The following TMEM9B variants were observed in gnomAD, a reference collection of about 807,000 sequenced individuals.
TMEM9B encodes the protein TMEM9 domain family member B, also known as transmembrane protein 9B.
Under a neutral mutation model 23.5 loss-of-function variants are expected in TMEM9B, and 8 were observed. The ratio of observed to expected loss-of-function variants is 0.34; its 90% CI spans 0.20 to 0.61. The LOEUF (loss-of-function observed/expected upper bound fraction) is 0.61. TMEM9B is among the 20% of genes least tolerant of loss of function. The probability of loss-of-function intolerance (pLI) is 0.78; values close to 1 mark genes in which losing one functional copy is unlikely to be tolerated. For synonymous variants in TMEM9B, 106 were observed against 96.3 expected (o/e 1.10, Z -0.59); for missense variants, 197 against 252.3 (o/e 0.78, Z 1.49).
rs150921387 is a variant in TMEM9B, at chr11:8,949,070, C to T, written c.442-595G>A. 2.2e-4 allele frequency among the ~76,000 whole-genome samples: 34 copies of T among 152,254 alleles called. 1 individual carries two copies. In the Middle Eastern group the frequency reaches 0.014, roughly 61 times the overall value. ...ACACACACACTAAATGGATTAGCTT[C>T]CAAAAGCTTCCTCATTTCCCCACTT... On this transcript the variant is annotated intron_variant, in intron 4 of 4. Coordinates refer to ENST00000534025, the MANE Select transcript of TMEM9B (RefSeq NM_020644.3).
At chr11:8,959,162 A>G (rs1854028783) in intron 2 of TMEM9B, among the ~76,000 whole-genome samples, 1 of 152,232 alleles carries the variant, frequency 6.6e-6, no homozygotes, top group Non-Finnish European at 1.5e-5. Context: ...AAAAAGGATC[A>G]GGCCACGCAT....
rs1853991765 is a variant in TMEM9B, at chr11:8,957,247, A to C, written c.198-949T>G. Among the ~76,000 whole-genome samples, 1 of 152,224 alleles carries C rather than the reference A, an allele frequency of 6.6e-6. No homozygotes were observed. Among genetic ancestry groups the C allele is most frequent in the South Asian group, 2.1e-4 (1 of 4,834 alleles). Reference sequence around the variant, plus strand: ...CTAAATAAAAACTAACAAAGGGATGAGTGTTTTTGTTGAATGTTACTTATT... The same window carrying C: ...CTAAATAAAAACTAACAAAGGGATGCGTGTTTTTGTTGAATGTTACTTATT... On this transcript the variant is annotated intron_variant, in intron 2 of 4. Coordinates refer to ENST00000534025, the MANE Select transcript of TMEM9B (RefSeq NM_020644.3). This position sits in a 1 kb window ranked among gnomAD's most constrained non-coding sequence, Gnocchi z 4.3.
chr11:8,960,142 T>C (rs1854049726), intron 2 of TMEM9B, among the ~76,000 whole-genome samples: 1 of 140,826 alleles, frequency 7.1e-6, no homozygotes, highest in Non-Finnish European at 1.5e-5. Context: ...GTTTCTGTTT[T>C]TTTTTTTTTT....
intron 2 of TMEM9B, 33 bp from the exon 3 acceptor site, chr11:8,956,331 C>A: frequency 6.3e-7 from 1 of 1,587,972 alleles, no homozygotes; most frequent in Non-Finnish European, 8.6e-7. Flanking sequence ...CTGCTTAAGC[C>A]CAGCTAGCTC....
intron 2 of TMEM9B, among the ~76,000 whole-genome samples, chr11:8,958,113 C>T (rs536893865): frequency 9.0e-4 from 118 of 130,768 alleles, no homozygotes; most frequent in African/African-American, 3.1e-3. Flanking sequence ...CAGCCGAGAT[C>T]GTGCCATTGC....
chr11:8,949,369 T>C (rs996561194), intron 4 of TMEM9B, among the ~76,000 whole-genome samples: 3 of 152,240 alleles, frequency 2.0e-5, no homozygotes, highest in African/African-American at 7.2e-5. Context: ...GCTGTCTAAA[T>C]GACAAAAAGC....
chr11:8,955,306 G>A (rs1276031461), intron 3 of TMEM9B, among the ~76,000 whole-genome samples: 2 of 152,086 alleles, frequency 1.3e-5, no homozygotes, highest in African/African-American at 4.8e-5. Context: ...CCAGTTTCAT[G>A]GAAGACAATT....
intron 2 of TMEM9B, among the ~76,000 whole-genome samples, chr11:8,961,163 A>G (rs1043761963): frequency 2.6e-5 from 4 of 152,210 alleles, no homozygotes; most frequent in African/African-American, 4.8e-5. Context: ...AAGAACAGAC[A>G]GTGGCATCAG....
chr11:8,954,308 ATT>A (rs34709671), intron 3 of TMEM9B, among the ~76,000 whole-genome samples: 37 of 148,224 alleles, frequency 2.5e-4, no homozygotes, highest in African/African-American at 4.3e-4. Context: ...ACTGGATTTT[ATT>A]TTTTTTTTTT....
intron 2 of TMEM9B, among the ~76,000 whole-genome samples, chr11:8,959,662 G>C (rs911207235): frequency 6.6e-6 from 1 of 152,204 alleles, no homozygotes; most frequent in African/African-American, 2.4e-5. Flanking sequence ...CAGCTGGAGA[G>C]AAAGCAGGAA....
upstream of TMEM9B, chr11:8,964,542 G>T (rs958415726): frequency 7.7e-7 from 1 of 1,301,800 alleles, no homozygotes; most frequent in Non-Finnish European, 1.0e-6. Flanking sequence ...GGCAGTCCTG[G>T]TGCCCGCCTT....
At position 8,956,104 on chromosome 11, in the gene TMEM9B, T is replaced by G. The variant is rs1410660830; in HGVS notation, c.306+86A>C. The G allele has an allele frequency of 2.3e-6, 3 of 1,282,800 alleles. No individual in the cohort carries two copies. In the East Asian group the frequency reaches 7.3e-5, roughly 31 times the overall value. The allele number at this position is 1,282,800 out of a possible 1,614,324, so 79.5% of individuals were successfully genotyped here. On this transcript the variant is annotated intron_variant, in intron 3 of 4. Coordinates refer to ENST00000534025, the MANE Select transcript of TMEM9B (RefSeq NM_020644.3). ...TTCCTTTTGGGGTAGGGGTCCAAATTTTTCTGTCTTGTCTAGAAACCATCC... is the reference window on the plus strand; with the variant it reads ...TTCCTTTTGGGGTAGGGGTCCAAATGTTTCTGTCTTGTCTAGAAACCATCC...
At chr11:8,951,957 A>T (rs1023383782) in intron 4 of TMEM9B, among the ~76,000 whole-genome samples, 2 of 151,330 alleles carry the variant, frequency 1.3e-5, no homozygotes, top group African/African-American at 4.9e-5. Context: ...AATACAAAAA[A>T]AATTAGCCAG....
rs1421719467 is a variant in TMEM9B at position 8,947,645 on chromosome 11, A to C, written c.*675T>G. 1.3e-5 allele frequency: 2 copies of C among 152,704 alleles called. No homozygotes were observed. The highest frequency in any genetic ancestry group is 2.9e-5 in the Non-Finnish European group (2 of 68,072). The allele number at this position is 152,704 out of a possible 1,614,324, so 9.5% of individuals were successfully genotyped here. Reference sequence around the variant, plus strand: ...AACTAGCAAATGGCCAGTTTGTTCTAGGATGCATTGCATCAGACATCACAG... The same window carrying C: ...AACTAGCAAATGGCCAGTTTGTTCTCGGATGCATTGCATCAGACATCACAG... On this transcript the variant is annotated 3_prime_UTR_variant, in exon 5 of 5. Coordinates refer to ENST00000534025, the MANE Select transcript of TMEM9B (RefSeq NM_020644.3).
chr11:8,960,133 T>C (rs2653568), intron 2 of TMEM9B, among the ~76,000 whole-genome samples: 1 of 134,552 alleles, frequency 7.4e-6, no homozygotes, highest in South Asian at 2.4e-4. Context: ...ATTTTCTTTG[T>C]TTCTGTTTTT....
In TMEM9B at chr11:8,948,009, T is replaced by C. The variant is rs146000601; in HGVS notation, c.*311A>G. 1.8e-3 allele frequency: 353 copies of C among 193,454 alleles called. 1 individual carries two copies. Among genetic ancestry groups the C allele is most frequent in the African/African-American group, 7.6e-3 (328 of 42,954 alleles). 12.0% of individuals were successfully genotyped at this position (193,454 alleles called of 1,614,324 possible). A position where few individuals can be genotyped will look rare whatever the true frequency, so the allele number is the denominator to read the frequency against. On this transcript the variant is annotated 3_prime_UTR_variant, in exon 5 of 5. Transcript: ENST00000534025. ...TCTTGAAAGTCAAGTTAAAACTATG[T>C]GGTGAAAAAGAGAGTGCTTGTTCCA...
In TMEM9B at chr11:8,957,918, A is replaced by G. The variant is rs551044704; in HGVS notation, c.198-1620T>C. Among the ~76,000 whole-genome samples the G allele has an allele frequency of 4.7e-4, 72 of 152,306 alleles. No homozygotes were observed. The highest frequency in any genetic ancestry group is 7.9e-4 in the Non-Finnish European group (54 of 68,026). On this transcript the variant is annotated intron_variant, in intron 2 of 4. Coordinates refer to ENST00000534025, the MANE Select transcript of TMEM9B (RefSeq NM_020644.3). This position sits in a 1 kb window ranked among gnomAD's most constrained non-coding sequence, Gnocchi z 4.3. ...ATGCCTGTAATCCCAGCACTTTGGGAGGCCGAGGCGGGAAGATCACCTGAG... is the reference window on the plus strand; with the variant it reads ...ATGCCTGTAATCCCAGCACTTTGGGGGGCCGAGGCGGGAAGATCACCTGAG...
chr11:8,958,401 G>A (rs1447430545), intron 2 of TMEM9B, among the ~76,000 whole-genome samples: 1 of 148,186 alleles, frequency 6.7e-6, no homozygotes, highest in African/African-American at 2.5e-5. Context: ...GGCAGAGGTT[G>A]TAGTGAGCCG....
intron 2 of TMEM9B, among the ~76,000 whole-genome samples, chr11:8,956,674 T>C (rs1359516096): frequency 6.6e-6 from 1 of 152,214 alleles, no homozygotes; most frequent in Non-Finnish European, 1.5e-5. Context: ...TATGGGGCAC[T>C]GTTCAAATAT....
Sources: gnomAD v4.1 joint callset for allele counts (sites outside exome capture counted in the v4.1 genomes callset) on GRCh38, gnomAD v4.1.1 for gene constraint, Gnocchi (gnomAD v3.1) non-coding constraint, MANE v1.5 for transcripts, NCBI Gene and HGNC (gene_info 2026-07-23, HGNC 2026-07-21) for gene names.